Variants in SPMIP2 observed in about 807,000 individuals in gnomAD.
SPMIP2 encodes sperm microtubule inner protein 2.
At chr4:158,894,500 G>A in the SPMIP2 span, among the ~76,000 whole-genome samples, 2 of 152,024 alleles carry the variant, frequency 1.3e-5, no homozygotes, top group African/African-American at 2.4e-5. Flanking sequence ...TTGATTTCAC[G>A]TCTAGTATAT....
the SPMIP2 span, chr4:159,034,963 A>G: frequency 1.8e-6 from 2 of 1,135,244 alleles, no homozygotes; most frequent in Non-Finnish European, 2.6e-6. Flanking sequence ...TCCATTATAT[A>G]AAAATCATAT....
At chr4:158,934,562 A>G in the SPMIP2 span, among the ~76,000 whole-genome samples, 1 of 152,242 alleles carries the variant, frequency 6.6e-6, no homozygotes, top group Admixed American at 6.5e-5. Context: ...TCTGACCCAT[A>G]GTAAAAATTT....
chr4:158,928,747 T>C, the SPMIP2 span, among the ~76,000 whole-genome samples: 38 of 152,282 alleles, frequency 2.5e-4, no homozygotes, highest in African/African-American at 8.4e-4. Context: ...GGGTCCACGC[T>C]GCTTTTATGA....
the SPMIP2 span, among the ~76,000 whole-genome samples, chr4:158,999,127 G>A: frequency 3.3e-5 from 5 of 151,434 alleles, no homozygotes; most frequent in Middle Eastern, 3.4e-3. Context: ...AGCCAAGATC[G>A]TGCCACTGCA....
At chr4:159,079,834 G>C in the SPMIP2 span, among the ~76,000 whole-genome samples, 7 of 152,048 alleles carry the variant, frequency 4.6e-5, no homozygotes, top group African/African-American at 1.7e-4. Flanking sequence ...GGAAAAATGG[G>C]TTTGAGGAGA....
At chr4:158,910,757 A>G in the SPMIP2 span, among the ~76,000 whole-genome samples, 1 of 152,152 alleles carries the variant, frequency 6.6e-6, no homozygotes, top group Non-Finnish European at 1.5e-5. Flanking sequence ...TGGAGCTGCA[A>G]CATCAGTTTC....
At chr4:158,924,998 G>A in the SPMIP2 span, among the ~76,000 whole-genome samples, 1 of 152,150 alleles carries the variant, frequency 6.6e-6, no homozygotes. Context: ...TTCATAGCAG[G>A]TATTAGTCTG....
the SPMIP2 span, among the ~76,000 whole-genome samples, chr4:159,044,750 C>T: frequency 6.6e-6 from 1 of 152,070 alleles, no homozygotes; most frequent in African/African-American, 2.4e-5. Flanking sequence ...TTCAAGGTGA[C>T]GAATGGGACA....
chr4:158,931,832 GTATTAC>G, the SPMIP2 span, among the ~76,000 whole-genome samples: 377 of 152,190 alleles, frequency 2.5e-3, 2 homozygotes, highest in African/African-American at 8.6e-3. Context: ...CAAAGTGCTG[GTATTAC>G]AGGTGTGAGC....
the SPMIP2 span, among the ~76,000 whole-genome samples, chr4:158,901,870 C>G: frequency 2.0e-5 from 3 of 151,798 alleles, no homozygotes; most frequent in Admixed American, 6.6e-5. Flanking sequence ...GCTAGTTATT[C>G]TAGTTAGCAA....
At chr4:159,065,171 A>G in the SPMIP2 span, among the ~76,000 whole-genome samples, 1 of 152,226 alleles carries the variant, frequency 6.6e-6, no homozygotes, top group Non-Finnish European at 1.5e-5. Context: ...CTCTCTATGC[A>G]GATTTTCTTT....
At chr4:158,978,716 T>C in the SPMIP2 span, among the ~76,000 whole-genome samples, 1 of 152,238 alleles carries the variant, frequency 6.6e-6, no homozygotes, top group African/African-American at 2.4e-5. Flanking sequence ...AAAGTCTGTT[T>C]TATCAGAGAG....
the SPMIP2 span, among the ~76,000 whole-genome samples, chr4:159,012,604 C>G: frequency 6.6e-6 from 1 of 151,492 alleles, no homozygotes; most frequent in African/African-American, 2.4e-5. Context: ...GAGGATCTCA[C>G]TCTGTCATCC....
the SPMIP2 span, among the ~76,000 whole-genome samples, chr4:159,051,832 G>A: frequency 6.6e-6 from 1 of 152,002 alleles, no homozygotes; most frequent in South Asian, 2.1e-4. Context: ...CATTCTTATC[G>A]CAGTTTCTGT....
At chr4:158,995,921 C>T in the SPMIP2 span, among the ~76,000 whole-genome samples, 1 of 149,532 alleles carries the variant, frequency 6.7e-6, no homozygotes, top group South Asian at 2.1e-4. Flanking sequence ...TTATTATTCA[C>T]TGAAACTTTA....
At chr4:158,908,853 A>AT in the SPMIP2 span, among the ~76,000 whole-genome samples, 1 of 152,116 alleles carries the variant, frequency 6.6e-6, no homozygotes, top group African/African-American at 2.4e-5. Context: ...CAACTGGCCA[A>AT]TTTTTTGTAT....
the SPMIP2 span, among the ~76,000 whole-genome samples, chr4:159,016,593 A>G: frequency 6.6e-6 from 1 of 152,112 alleles, no homozygotes; most frequent in Non-Finnish European, 1.5e-5. Flanking sequence ...GGCTTTCTAG[A>G]TGGCCATCTT....
the SPMIP2 span, among the ~76,000 whole-genome samples, chr4:158,990,218 C>A: frequency 1.3e-5 from 2 of 152,078 alleles, no homozygotes; most frequent in African/African-American, 4.8e-5. Context: ...ATTAAAAAGT[C>A]AGGAAACAAC....
the SPMIP2 span, among the ~76,000 whole-genome samples, chr4:158,896,259 A>G: frequency 2.3e-4 from 34 of 149,836 alleles, no homozygotes; most frequent in Non-Finnish European, 1.5e-5. Flanking sequence ...AGGTTGGCAC[A>G]TTCCACCTGG....
Sources: gnomAD v4.1 joint callset for allele counts (sites outside exome capture counted in the v4.1 genomes callset) on GRCh38, gnomAD v4.1.1 for gene constraint, MANE v1.5 for transcripts, NCBI Gene and HGNC (gene_info 2026-07-23, HGNC 2026-07-21) for gene names.